Variants in FSCN2 observed in about 807,000 individuals in gnomAD.
The protein encoded by FSCN2 is fascin actin-bundling protein 2, retinal, also known as fascin-2.
FSCN2 carries 46 observed loss-of-function variants against 37.8 expected under a neutral mutation model. That is an observed-to-expected ratio of 1.22 (90% CI 0.96 to 1.56). The LOEUF (loss-of-function observed/expected upper bound fraction) is 1.56. FSCN2 is among the 40% of genes most tolerant of loss of function. The pLI is 0.00. For missense variants in FSCN2, 844 were observed against 730.4 expected (o/e 1.16, Z -1.79); for synonymous variants, 351 against 309.4 (o/e 1.13, Z -1.41).
rs1368384410 is a variant in FSCN2, at chr17:81,531,261, A to G, written c.826+1904A>G. 2.6e-3 allele frequency among the ~76,000 whole-genome samples: 185 copies of G among 70,566 alleles called. 7 individuals carry two copies. The Middle Eastern group carries it at 0.029, about 11-fold the overall frequency. 46.3% of individuals were successfully genotyped at this position (70,566 alleles called of 152,430 possible). On this transcript the variant is annotated intron_variant, in intron 1 of 4. Coordinates refer to ENST00000417245, the MANE Select transcript of FSCN2 (RefSeq NM_012418.4). ...GGTGGTGATGATGGTGATGGTGATG[A>G]TGGTGGTGATGGCGGTGGTGATGGT...
upstream of FSCN2, among the ~76,000 whole-genome samples, chr17:81,524,275 T>G (rs528956912): frequency 2.2e-3 from 340 of 152,150 alleles, 1 homozygote; most frequent in Non-Finnish European, 4.2e-3. Flanking sequence ...GCTGAGGCAT[T>G]CCTTGCCCTC....
In FSCN2 at chr17:81,529,048, G is replaced by A. The variant is rs2032455623; in HGVS notation, c.517G>A (p.Ala173Thr). Residue 173 changes from alanine to threonine, a missense_variant, in exon 1 of 5, where the codon GCC becomes ACC. Transcript: ENST00000417245. Reference sequence around the variant, plus strand: ...CGGAGACAAGCCCTGGGGCGTGGACGCCCTCCTCACCCTCATCTTCCGGAG... The same window carrying A: ...CGGAGACAAGCCCTGGGGCGTGGACACCCTCCTCACCCTCATCTTCCGGAG... ...ADGDKPWGVD[A>T]LLTLIFRSRR... 11 of 1,590,496 alleles carry A rather than the reference G, an allele frequency of 6.9e-6. No individual in the cohort carries two copies. The highest frequency in any genetic ancestry group is 1.3e-5 in the African/African-American group (1 of 74,562).
chr17:81,528,201 C>T (rs536158652), upstream of FSCN2, among the ~76,000 whole-genome samples: 19 of 152,174 alleles, frequency 1.2e-4, no homozygotes, highest in African/African-American at 3.6e-4. Flanking sequence ...CCTCCAGCCC[C>T]GTAGGCCCTC....
intron 1 of FSCN2, among the ~76,000 whole-genome samples, chr17:81,531,747 A>ATGGTGATGG (rs1330010830): frequency 1.1e-5 from 1 of 91,552 alleles, no homozygotes; most frequent in African/African-American, 5.0e-5. Context: ...GATGGTGATG[A>ATGGTGATGG]TAGTGATGGC....
intron 1 of FSCN2, among the ~76,000 whole-genome samples, chr17:81,532,624 T>G (rs2032731092): frequency 6.8e-6 from 1 of 146,752 alleles, no homozygotes; most frequent in African/African-American, 2.7e-5. Flanking sequence ...ATGATAATGG[T>G]GATGATGGTG....
rs370382419 is a variant in FSCN2 at position 81,529,023 on chromosome 17, C to T, written c.492C>T (p.Asp164=). The change falls in exon 1 of 5, where the codon GAC becomes GAT. Residue 164 remains aspartate, a synonymous_variant. Coordinates refer to ENST00000417245, the MANE Select transcript of FSCN2 (RefSeq NM_012418.4). ...CGCGGGAGGACGAGATGGCCGCAGACGGAGACAAGCCCTGGGGCGTGGACG... is the reference window on the plus strand; with the variant it reads ...CGCGGGAGGACGAGATGGCCGCAGATGGAGACAAGCCCTGGGGCGTGGACG... The part of the protein sequence containing the change: ...LCPREDEMAA[D]GDKPWGVDAL... 360 of 1,586,930 alleles carry T rather than the reference C, an allele frequency of 2.3e-4. 1 individual carries two copies. The African/African-American group carries it at 2.8e-3, about 12-fold the overall frequency.
the FSCN2 span, among the ~76,000 whole-genome samples, chr17:81,515,349 G>C: frequency 6.6e-6 from 1 of 152,198 alleles, no homozygotes; most frequent in African/African-American, 2.4e-5. Flanking sequence ...GGATGGAGCT[G>C]GGGGTAGCTG....
chr17:81,536,783 A>T lies in FSCN2; in HGVS notation c.1267A>T (p.Ile423Phe), dbSNP rs909433828. 2.5e-6 allele frequency: 4 copies of T among 1,593,200 alleles called. No individual in the cohort carries two copies. The African/African-American group carries it at 5.4e-5, about 21-fold the overall frequency. Reference sequence around the variant, plus strand: ...GAGCTTCAGCGACGGCGCCTACCGGATCCGAGGTGCGTGGCGGGGCGGGTG... The same window carrying T: ...GAGCTTCAGCGACGGCGCCTACCGGTTCCGAGGTGCGTGGCGGGGCGGGTG... Reference protein sequence around the residue: ...HLSFSDGAYRIRGRDGGFWYT... With the variant: ...HLSFSDGAYRFRGRDGGFWYT... The change falls in exon 4 of 5, where the codon ATC becomes TTC. Residue 423 changes from isoleucine (I) to phenylalanine (F), a missense_variant. Coordinates refer to ENST00000417245, the MANE Select transcript of FSCN2 (RefSeq NM_012418.4).
chr17:81,536,680 C>T lies in FSCN2; in HGVS notation c.1164C>T (p.Gly388=). The part of the protein sequence containing the change: ...LINRPILVLR[G]LDGFVCHHRG... Reference sequence around the variant, plus strand: ...ACCGGCCCATCCTGGTGCTGCGCGGCCTGGACGGCTTCGTCTGCCACCACC... The same window carrying T: ...ACCGGCCCATCCTGGTGCTGCGCGGTCTGGACGGCTTCGTCTGCCACCACC... The change falls in exon 4 of 5, where the codon GGC becomes GGT. Residue 388 remains glycine, a synonymous_variant. Coordinates refer to ENST00000417245, the MANE Select transcript of FSCN2 (RefSeq NM_012418.4). The T allele has an allele frequency of 1.2e-6, 2 of 1,611,290 alleles. No individual in the cohort carries two copies. Among genetic ancestry groups the T allele is most frequent in the Non-Finnish European group, 1.7e-6 (2 of 1,179,564 alleles).
Position 81,528,500 on chromosome 17 carries a change from C to G in FSCN2, c.-32C>G, listed in dbSNP as rs1387044438. The G allele has an allele frequency of 1.3e-6, 2 of 1,516,832 alleles. No homozygotes were observed. Among genetic ancestry groups the G allele is most frequent in the African/African-American group, 2.8e-5 (2 of 72,600 alleles). 94.0% of individuals were successfully genotyped at this position (1,516,832 alleles called of 1,614,324 possible). On this transcript the variant is annotated 5_prime_UTR_variant, in exon 1 of 5. Coordinates refer to ENST00000417245, the MANE Select transcript of FSCN2 (RefSeq NM_012418.4). ...CCGTGAGCACTCAGAGGGCGCATCC[C>G]AGGCCCCTCCGGGGACCCGGCCAGC...
the FSCN2 span, among the ~76,000 whole-genome samples, chr17:81,518,374 C>T: frequency 6.6e-6 from 1 of 151,994 alleles, no homozygotes; most frequent in African/African-American, 2.4e-5. Flanking sequence ...AGCCCCTGTA[C>T]CTGGCATAGC....
intron 1 of FSCN2, among the ~76,000 whole-genome samples, chr17:81,532,312 CGATGATGGT>C (rs2032695229): frequency 2.5e-4 from 4 of 15,762 alleles, no homozygotes; most frequent in Non-Finnish European, 5.0e-4. Context: ...ATAGTGATGG[CGATGATGGT>C]GATGATAGTG....
chr17:81,524,484 G>A (rs1379062716), upstream of FSCN2, among the ~76,000 whole-genome samples: 7 of 152,234 alleles, frequency 4.6e-5, no homozygotes, highest in African/African-American at 1.7e-4. Flanking sequence ...AGGGTGGGGC[G>A]TGGAGCCCTC....
intron 1 of FSCN2, among the ~76,000 whole-genome samples, chr17:81,531,740 G>GGTGATGATGGTGATGATA (rs1221707920): frequency 7.0e-6 from 1 of 143,382 alleles, no homozygotes; most frequent in East Asian, 2.2e-4. Context: ...TGGTGATGAT[G>GGTGATGATGGTGATGATA]GTGATGATAG....
intron 1 of FSCN2, among the ~76,000 whole-genome samples, chr17:81,533,265 G>C (rs1393900607): frequency 6.6e-6 from 1 of 152,150 alleles, no homozygotes; most frequent in African/African-American, 2.4e-5. Context: ...GCTCATTTCT[G>C]CCAACAGACA....
chr17:81,531,474 G>GTGGTGGTGATGA (rs2032591318), intron 1 of FSCN2, among the ~76,000 whole-genome samples: 2 of 105,846 alleles, frequency 1.9e-5, no homozygotes, highest in African/African-American at 8.9e-5. Context: ...GATGGTGGTG[G>GTGGTGGTGATGA]TGGTGATGGT....
At position 81,536,929 on chromosome 17, in the gene FSCN2, G is replaced by A. The variant is rs569208835; in HGVS notation, c.1328G>A (p.Gly443Asp). The change falls in exon 5 of 5, where the codon GGC (glycine) becomes GAC (aspartate). Residue 443 changes from glycine to aspartate, a missense_variant. By Grantham distance (94) the Gly-to-Asp change is moderately conservative. Coordinates refer to ENST00000417245, the MANE Select transcript of FSCN2 (RefSeq NM_012418.4). ...TGSHGSVCSD[G>D]ERAEDFVFEF... ...AGCCACGGCAGCGTGTGCAGCGACG[G>A]CGAACGCGCCGAGGACTTCGTCTTC... 6.4e-6 allele frequency: 10 copies of A among 1,573,312 alleles called. No homozygotes were observed. The South Asian group carries it at 1.0e-4, about 16-fold the overall frequency.
At chr17:81,535,535 C>A in intron 2 of FSCN2, among the ~76,000 whole-genome samples, 1 of 124,412 alleles carries the variant, frequency 8.0e-6, no homozygotes. Flanking sequence ...CCATCACCAT[C>A]ATCACCATCC....
At chr17:81,532,652 GATGGTGATGATGGAGGCA>G (rs1204633112) in intron 1 of FSCN2, among the ~76,000 whole-genome samples, 3 of 149,908 alleles carry the variant, frequency 2.0e-5, no homozygotes, top group African/African-American at 5.0e-5. Context: ...TGATGGTGGT[GATGGTGATGATGGAGGCA>G]ATGGTGATGA....
Sources: gnomAD v4.1 joint callset for allele counts (sites outside exome capture counted in the v4.1 genomes callset) on GRCh38, gnomAD v4.1.1 for gene constraint, MANE v1.5 for transcripts, NCBI Gene and HGNC (gene_info 2026-07-23, HGNC 2026-07-21) for gene names.